GRIA1: variants seen among roughly 807,000 people sequenced by gnomAD.
GRIA1 encodes the protein glutamate receptor 1.
A neutral mutation model predicts 99.2 loss-of-function variants in GRIA1; 31 were observed. The observed-to-expected ratio is 0.31, with a 90% CI of 0.23 to 0.42. GRIA1 has a LOEUF of 0.42. Ranked by LOEUF, GRIA1 falls within the 10% of genes least tolerant of loss-of-function variation. The pLI is 1.00. For synonymous variants in GRIA1, 438 were observed against 432.4 expected, an observed-to-expected ratio of 1.01 and a Z score of -0.16; for missense variants, 782 against 1,157.5, an observed-to-expected ratio of 0.68 and a Z score of 4.71.
intron 4 of GRIA1, among the ~76,000 whole-genome samples, chr5:153,652,391 T>C (rs1754638579): frequency 6.6e-6 from 1 of 152,222 alleles, no homozygotes; most frequent in African/African-American, 2.4e-5. Context: ...CCATGCATAA[T>C]CCTACTTCAT....
intron 2 of GRIA1, among the ~76,000 whole-genome samples, chr5:153,502,968 TTTATC>T (rs1241975475): frequency 1.4e-4 from 22 of 152,322 alleles, no homozygotes; most frequent in African/African-American, 5.0e-4. Flanking sequence ...CATTAATAGA[TTTATC>T]TTACTGTCTT....
chr5:153,633,962 AC>A (rs1329464051), intron 2 of GRIA1, among the ~76,000 whole-genome samples: 1 of 152,222 alleles, frequency 6.6e-6, no homozygotes, highest in Non-Finnish European at 1.5e-5. Flanking sequence ...CAAAAGTTAA[AC>A]AAAATAATTA....
At chr5:153,581,864 T>A (rs1763075746) in intron 2 of GRIA1, among the ~76,000 whole-genome samples, 1 of 151,938 alleles carries the variant, frequency 6.6e-6, no homozygotes, top group African/African-American at 2.4e-5. Flanking sequence ...TTCAACCTAT[T>A]CTCCTGCCTC....
chr5:153,736,251 A>G (rs1447944503), intron 11 of GRIA1, among the ~76,000 whole-genome samples: 5 of 152,218 alleles, frequency 3.3e-5, no homozygotes, highest in African/African-American at 1.2e-4. Context: ...ATAAATACCT[A>G]TCACCATTAA....
At chr5:153,521,249 T>TAAG (rs1391718600) in intron 2 of GRIA1, among the ~76,000 whole-genome samples, 6 of 152,178 alleles carry the variant, frequency 3.9e-5, no homozygotes, top group African/African-American at 1.4e-4. Context: ...GACCAAGGTT[T>TAAG]AAGAGTCAGT....
At chr5:153,676,899 C>G in intron 6 of GRIA1, 95 bp from the exon 7 acceptor site, 1 of 1,033,696 alleles carries the variant, frequency 9.7e-7, no homozygotes, top group Non-Finnish European at 1.3e-6. Context: ...GCACACCCTT[C>G]TCATCACCAG....
rs914457502 is a variant in GRIA1, at chr5:153,719,679, A to G, written c.1823+13612A>G. On this transcript the variant is annotated intron_variant, in intron 11 of 15. Transcript: ENST00000285900. ...ATAGTGTGACTTCTGCCATTGTCAC[A>G]ACCCCAACCAGATTAAAAGAGAAGG... Among the ~76,000 whole-genome samples, 18 of 152,228 alleles carry G rather than the reference A, an allele frequency of 1.2e-4. No individual in the cohort carries two copies. In the South Asian group the frequency reaches 3.3e-3, roughly 28 times the overall value.
At chr5:153,618,587 G>A (rs758109894) in intron 2 of GRIA1, among the ~76,000 whole-genome samples, 2 of 152,144 alleles carry the variant, frequency 1.3e-5, no homozygotes, top group Non-Finnish European at 2.9e-5. Context: ...GGCTCACCAC[G>A]TATGGAGCAG....
At chr5:153,597,696 C>T (rs924928246) in intron 2 of GRIA1, among the ~76,000 whole-genome samples, 16 of 152,148 alleles carry the variant, frequency 1.1e-4, no homozygotes, top group African/African-American at 3.9e-4. Context: ...GGCTAAAAAA[C>T]CATACTTGCC....
intron 6 of GRIA1, among the ~76,000 whole-genome samples, chr5:153,674,958 C>T (rs1390210240): frequency 6.6e-6 from 1 of 152,148 alleles, no homozygotes; most frequent in Admixed American, 6.5e-5. Context: ...CTTGTACCTT[C>T]TTGCTCTGCT....
chr5:153,541,946 A>C (rs1232107315), intron 2 of GRIA1, among the ~76,000 whole-genome samples: 1 of 150,956 alleles, frequency 6.6e-6, no homozygotes, highest in African/African-American at 2.4e-5. Context: ...AAAAAAAAAA[A>C]AAAAAACAAG....
chr5:153,635,330 A>G (rs1220049405), intron 2 of GRIA1, among the ~76,000 whole-genome samples: 2 of 152,222 alleles, frequency 1.3e-5, no homozygotes, highest in South Asian at 4.1e-4. Context: ...TTTTGTGACT[A>G]TGGGGATTGC....
chr5:153,639,612 A>G (rs1753646633), intron 2 of GRIA1, among the ~76,000 whole-genome samples: 1 of 152,010 alleles, frequency 6.6e-6, no homozygotes, highest in Admixed American at 6.6e-5. Context: ...ATCCCATTTT[A>G]TTTTCTTTGT....
chr5:153,588,836 T>C (rs1009150176), intron 2 of GRIA1, among the ~76,000 whole-genome samples: 1 of 152,186 alleles, frequency 6.6e-6, no homozygotes, highest in Admixed American at 6.5e-5. Context: ...TTCGCATCTA[T>C]CCAAAATGTA....
intron 2 of GRIA1, among the ~76,000 whole-genome samples, chr5:153,579,433 G>A (rs1267235889): frequency 6.6e-6 from 1 of 152,164 alleles, no homozygotes; most frequent in Non-Finnish European, 1.5e-5. Context: ...GTGAGGCTGA[G>A]AGTCAAGTCA....
chr5:153,760,908 T>C (rs1000385017), intron 11 of GRIA1, among the ~76,000 whole-genome samples: 2 of 152,018 alleles, frequency 1.3e-5, no homozygotes, highest in Non-Finnish European at 2.9e-5. Context: ...TCAACAAAGG[T>C]GTCAAAAACA....
At chr5:153,651,285 A>G (rs1427114329) in intron 4 of GRIA1, among the ~76,000 whole-genome samples, 1 of 152,072 alleles carries the variant, frequency 6.6e-6, no homozygotes. Flanking sequence ...CTTTATTTCC[A>G]TTGTTTCCCT....
chr5:153,802,298 G>T, intron 14 of GRIA1, 58 bp from the exon 15 acceptor site: 1 of 1,530,072 alleles, frequency 6.5e-7, no homozygotes, highest in South Asian at 1.1e-5. Flanking sequence ...ATGGTCTTTA[G>T]CCTCTTGACT....
At chr5:153,698,330 T>A (rs1379445352) in intron 9 of GRIA1, among the ~76,000 whole-genome samples, 176 bp downstream of exon 9, 1 of 152,206 alleles carries the variant, frequency 6.6e-6, no homozygotes, top group Non-Finnish European at 1.5e-5. Flanking sequence ...TCACTCTGTA[T>A]CTCTTAGTTT....
Sources: allele counts gnomAD v4.1 joint callset (sites outside exome capture counted in the v4.1 genomes callset), GRCh38; gene constraint gnomAD v4.1.1; transcripts MANE v1.5; gene names NCBI Gene and HGNC (gene_info 2026-07-23, HGNC 2026-07-21).